Variants in HIBADH observed in about 807,000 individuals in gnomAD.
HIBADH encodes 3-hydroxyisobutyrate dehydrogenase, mitochondrial.
A neutral mutation model predicts 36.1 loss-of-function variants in HIBADH; 25 were observed. That is an observed-to-expected ratio of 0.69 (90% CI 0.50 to 0.97). The LOEUF is 0.97. Among genes scored for constraint, HIBADH ranks in the 50% least tolerant of loss-of-function variants. The probability of loss-of-function intolerance (pLI) is 0.00; values close to 1 mark genes in which losing one functional copy is unlikely to be tolerated. For missense variants in HIBADH, 421 were observed against 418.0 expected, an observed-to-expected ratio of 1.01 and a Z score of -0.06; for synonymous variants, 160 against 149.5, an observed-to-expected ratio of 1.07 and a Z score of -0.51.
intron 4 of HIBADH, among the ~76,000 whole-genome samples, chr7:27,601,021 T>C (rs910978841): frequency 6.6e-6 from 1 of 152,168 alleles, no homozygotes; most frequent in African/African-American, 2.4e-5. Context: ...TACTTGATCT[T>C]TGCAAAATTC....
chr7:27,654,538 T>C (rs1786258687), intron 1 of HIBADH, among the ~76,000 whole-genome samples: 1 of 152,102 alleles, frequency 6.6e-6, no homozygotes, highest in Non-Finnish European at 1.5e-5. Context: ...ACAATGCAAG[T>C]GAGAAGACAG....
chr7:27,542,561 C>A, intron 5 of HIBADH, among the ~76,000 whole-genome samples: 1 of 151,418 alleles, frequency 6.6e-6, no homozygotes. Flanking sequence ...AGGTGATCCC[C>A]CCACCTCAGC....
chr7:27,538,348 CA>C lies in HIBADH; in HGVS notation c.687del (p.Gly230GlufsTer4). The C allele has an allele frequency of 6.2e-7, 1 of 1,611,746 alleles. No individual in the cohort carries two copies. Among genetic ancestry groups the C allele is most frequent in the Non-Finnish European group, 8.5e-7 (1 of 1,178,566 alleles). ...ACGTACTATTCAACAAACCTGATTC[CA>C]AGATTCATAGCTTCAGCAGTTCCAA... ...SMIGTAEAMN[L>X]GIRLGLDPKL... On this transcript the variant is annotated frameshift_variant, in exon 6 of 8. Coordinates refer to ENST00000265395, the MANE Select transcript of HIBADH (RefSeq NM_152740.4). LOFTEE classifies it high-confidence loss of function.
chr7:27,660,029 C>A (rs1163401141), intron 1 of HIBADH, among the ~76,000 whole-genome samples: 1 of 152,146 alleles, frequency 6.6e-6, no homozygotes, highest in African/African-American at 2.4e-5. Context: ...GTACTCCTGC[C>A]TGGACAACAC....
chr7:27,613,172 TAA>T (rs377147594), intron 4 of HIBADH, among the ~76,000 whole-genome samples: 6 of 7,844 alleles, frequency 7.6e-4, no homozygotes, highest in African/African-American at 1.2e-3. Flanking sequence ...TATATTTATA[TAA>T]ATATATTTAT....
chr7:27,627,507 G>C (rs952961323), intron 4 of HIBADH, among the ~76,000 whole-genome samples: 2 of 152,140 alleles, frequency 1.3e-5, no homozygotes, highest in Admixed American at 6.5e-5. Flanking sequence ...CATTGTGTCT[G>C]CATACTGGTC....
At chr7:27,573,915 G>A (rs1784665175) in intron 4 of HIBADH, among the ~76,000 whole-genome samples, 1 of 152,128 alleles carries the variant, frequency 6.6e-6, no homozygotes, top group Non-Finnish European at 1.5e-5. Context: ...ATCCTCACCT[G>A]TGTTTCTTAT....
intron 4 of HIBADH, among the ~76,000 whole-genome samples, chr7:27,601,350 C>T (rs1785128084): frequency 6.6e-6 from 1 of 152,042 alleles, no homozygotes; most frequent in Non-Finnish European, 1.5e-5. Flanking sequence ...CAATATAATT[C>T]TTTCAGTACA....
intron 2 of HIBADH, among the ~76,000 whole-genome samples, chr7:27,635,285 G>C (rs1049831908): frequency 2.6e-5 from 4 of 152,132 alleles, no homozygotes; most frequent in African/African-American, 9.7e-5. Flanking sequence ...AACCAACCTT[G>C]TTGCCAGTCT....
At chr7:27,535,766 T>A (rs905760305) in intron 6 of HIBADH, among the ~76,000 whole-genome samples, 2 of 151,916 alleles carry the variant, frequency 1.3e-5, no homozygotes, top group African/African-American at 4.8e-5. Context: ...TTTTTTTTTT[T>A]AACAACATTT....
At chr7:27,647,195 G>A (rs911170383) in intron 2 of HIBADH, among the ~76,000 whole-genome samples, 24 of 152,154 alleles carry the variant, frequency 1.6e-4, no homozygotes, top group African/African-American at 4.8e-4. Context: ...TCACTGAGGC[G>A]GCTAGTAAGT....
At chr7:27,552,001 C>T (rs182955028) in intron 4 of HIBADH, among the ~76,000 whole-genome samples, 3 of 152,170 alleles carry the variant, frequency 2.0e-5, no homozygotes, top group Non-Finnish European at 2.9e-5. Flanking sequence ...TGTTTACCAG[C>T]GACATTCGCA....
intron 2 of HIBADH, among the ~76,000 whole-genome samples, chr7:27,635,816 A>G (rs887722083): frequency 2.0e-5 from 3 of 152,186 alleles, no homozygotes; most frequent in African/African-American, 7.2e-5. Flanking sequence ...GCTAATTCCA[A>G]CGGCCTCATA....
intron 4 of HIBADH, among the ~76,000 whole-genome samples, chr7:27,617,949 A>G (rs1340842146): frequency 1.3e-5 from 2 of 152,172 alleles, no homozygotes; most frequent in African/African-American, 4.8e-5. Flanking sequence ...CCCAGGAAAA[A>G]AATGGTGCAG....
chr7:27,609,541 C>T (rs1017672170), intron 4 of HIBADH, among the ~76,000 whole-genome samples: 2 of 152,116 alleles, frequency 1.3e-5, no homozygotes, highest in Non-Finnish European at 2.9e-5. Flanking sequence ...ATGTAAATGG[C>T]TAACATAATT....
intron 4 of HIBADH, among the ~76,000 whole-genome samples, chr7:27,612,975 T>C (rs999533538): frequency 3.0e-4 from 41 of 138,026 alleles, no homozygotes; most frequent in African/African-American, 8.0e-4. Context: ...ATATATATAT[T>C]ATATATATAT....
chr7:27,583,147 G>A (rs1784817193), intron 4 of HIBADH, among the ~76,000 whole-genome samples: 1 of 151,906 alleles, frequency 6.6e-6, no homozygotes, highest in Non-Finnish European at 1.5e-5. Context: ...TACAAGATGT[G>A]TTCTTGTTTT....
At chr7:27,646,024 C>T (rs1786063455) in intron 2 of HIBADH, among the ~76,000 whole-genome samples, 1 of 152,194 alleles carries the variant, frequency 6.6e-6, no homozygotes, top group Non-Finnish European at 1.5e-5. Context: ...GAATCCTTCG[C>T]CAAATCCAAA....
At chr7:27,619,871 G>A (rs1386052738) in intron 4 of HIBADH, among the ~76,000 whole-genome samples, 2 of 152,076 alleles carry the variant, frequency 1.3e-5, no homozygotes, top group Admixed American at 6.5e-5. Flanking sequence ...CACAGAGAAA[G>A]TGAAAAGATC....
Sources: allele counts gnomAD v4.1 joint callset (sites outside exome capture counted in the v4.1 genomes callset), GRCh38; gene constraint gnomAD v4.1.1; transcripts MANE v1.5; gene names NCBI Gene and HGNC (gene_info 2026-07-23, HGNC 2026-07-21).